FHIT: variants seen among roughly 807,000 people sequenced by gnomAD.
FHIT encodes bis(5'-adenosyl)-triphosphatase.
A neutral mutation model predicts 17.9 loss-of-function variants in FHIT; 19 were observed. The ratio of observed to expected loss-of-function variants is 1.06; its 90% CI spans 0.74 to 1.56. The LOEUF (loss-of-function observed/expected upper bound fraction) is 1.56. Among genes scored for constraint, FHIT ranks in the 40% most tolerant of loss-of-function variants. The pLI is 0.00. For synonymous variants in FHIT, 81 were observed against 69.7 expected (o/e 1.16, Z -0.81); for missense variants, 248 against 189.2 (o/e 1.31, Z -1.82).
intron 8 of FHIT, among the ~76,000 whole-genome samples, chr3:59,769,575 G>T (rs556184894): frequency 2.6e-5 from 4 of 152,070 alleles, no homozygotes; most frequent in African/African-American, 4.8e-5. Flanking sequence ...ATTACTTACC[G>T]CAAGCTGCCA....
intron 3 of FHIT, among the ~76,000 whole-genome samples, chr3:60,850,326 TC>T: frequency 3.9e-5 from 2 of 50,918 alleles, no homozygotes; most frequent in African/African-American, 1.3e-4. Context: ...TCTGCACTTC[TC>T]TCTCTCTCTC....
intron 4 of FHIT, among the ~76,000 whole-genome samples, chr3:60,611,690 A>G (rs1553673666): frequency 1.3e-5 from 2 of 152,144 alleles, no homozygotes; most frequent in African/African-American, 4.8e-5. Context: ...AGGTCCAAAA[A>G]TCTACCTGAG....
intron 5 of FHIT, among the ~76,000 whole-genome samples, chr3:60,341,701 A>T (rs1431681731): frequency 6.6e-6 from 1 of 152,112 alleles, no homozygotes; most frequent in Non-Finnish European, 1.5e-5. Context: ...GTCTTTCCCA[A>T]ATTCTACACT....
intron 5 of FHIT, among the ~76,000 whole-genome samples, chr3:60,371,842 GTTT>G (rs10576261): frequency 2.0e-4 from 28 of 143,028 alleles, no homozygotes; most frequent in African/African-American, 3.8e-4. Context: ...TTTTTGTGGG[GTTT>G]TTTTTTTTTT....
intron 5 of FHIT, among the ~76,000 whole-genome samples, chr3:60,337,310 G>C (rs368665411): frequency 6.6e-6 from 1 of 151,994 alleles, no homozygotes; most frequent in African/African-American, 2.4e-5. Context: ...TTAAATAATG[G>C]TTAAAAGCCT....
chr3:60,013,143 G>C (rs557704806), intron 6 of FHIT, among the ~76,000 whole-genome samples: 1 of 152,294 alleles, frequency 6.6e-6, no homozygotes, highest in South Asian at 2.1e-4. Context: ...CTTTTAGTCA[G>C]AGCCTTCATA....
intron 4 of FHIT, among the ~76,000 whole-genome samples, chr3:60,803,154 G>A (rs182870354): frequency 2.6e-5 from 4 of 152,254 alleles, no homozygotes; most frequent in African/African-American, 9.6e-5. Context: ...TGGGCAAAGG[G>A]CTGAGTTTCA....
intron 3 of FHIT, among the ~76,000 whole-genome samples, chr3:60,883,833 A>G (rs1244798454): frequency 6.6e-6 from 1 of 152,162 alleles, no homozygotes; most frequent in Non-Finnish European, 1.5e-5. Context: ...CCTCAAATAT[A>G]AAGGCAACAA....
chr3:60,079,574 G>A (rs1480003381), intron 5 of FHIT, among the ~76,000 whole-genome samples: 1 of 151,712 alleles, frequency 6.6e-6, no homozygotes, highest in South Asian at 2.1e-4. Flanking sequence ...TTTGCTTCCA[G>A]TCACTCATAT....
intron 5 of FHIT, among the ~76,000 whole-genome samples, chr3:60,481,838 A>C (rs924141917): frequency 6.6e-6 from 1 of 152,198 alleles, no homozygotes; most frequent in African/African-American, 2.4e-5. Flanking sequence ...CGAACCTTAA[A>C]TGTAAATGGG....
intron 8 of FHIT, among the ~76,000 whole-genome samples, chr3:59,762,124 G>C (rs1387337622): frequency 2.6e-5 from 4 of 152,124 alleles, no homozygotes; most frequent in Non-Finnish European, 4.4e-5. Context: ...CTAACAGGCG[G>C]GTAGTGTAGA....
intron 4 of FHIT, among the ~76,000 whole-genome samples, chr3:60,571,384 C>T (rs2037378931): frequency 7.6e-6 from 1 of 130,936 alleles, no homozygotes; most frequent in East Asian, 2.2e-4. Flanking sequence ...TGACGTATTA[C>T]CAACACTGAG....
At chr3:60,557,268 G>T (rs2036773341) in intron 4 of FHIT, among the ~76,000 whole-genome samples, 1 of 152,074 alleles carries the variant, frequency 6.6e-6, no homozygotes, top group Admixed American at 6.6e-5. Context: ...TGTGACACTG[G>T]TCTCCTCCCC....
intron 7 of FHIT, among the ~76,000 whole-genome samples, chr3:60,002,718 TA>T (rs1373975237): frequency 1.3e-5 from 2 of 152,204 alleles, no homozygotes; most frequent in Non-Finnish European, 2.9e-5. Context: ...ATGAAATCTT[TA>T]CCTTTTCCAG....
At chr3:60,988,042 G>T (rs554940310) in intron 3 of FHIT, among the ~76,000 whole-genome samples, 3 of 152,270 alleles carry the variant, frequency 2.0e-5, no homozygotes, top group East Asian at 3.9e-4. Context: ...AAGACTGAAG[G>T]CTTCTTAGAG....
chr3:61,086,953 T>C (rs886397763), intron 2 of FHIT, among the ~76,000 whole-genome samples: 1 of 152,116 alleles, frequency 6.6e-6, no homozygotes, highest in Non-Finnish European at 1.5e-5. Context: ...TTCACTCCTC[T>C]CCCACCATAT....
intron 5 of FHIT, among the ~76,000 whole-genome samples, chr3:60,328,340 G>A (rs189041909): frequency 1.3e-5 from 2 of 152,292 alleles, no homozygotes; most frequent in East Asian, 3.9e-4. Flanking sequence ...CTGAGAATGG[G>A]TACTTTATAA....
intron 4 of FHIT, among the ~76,000 whole-genome samples, chr3:60,612,327 T>C (rs72887691): frequency 0.021 from 3,266 of 152,284 alleles, 119 homozygotes; most frequent in African/African-American, 0.075. Context: ...GATATACATA[T>C]ATGAATCATC....
chr3:59,750,001 G>C lies in FHIT; in HGVS notation c.*6-422C>G, dbSNP rs1292531663. On this transcript the variant is annotated intron_variant, in intron 9 of 9. Transcript: ENST00000492590. ...TTGGTCTGTGCACAAAACCTTTAAA[G>C]AGAAATACACATGTTAGTTAACTTA... 4 of 223,012 alleles carry C rather than the reference G, an allele frequency of 1.8e-5. 1 individual carries two copies. The Admixed American group carries it at 2.3e-4, about 13-fold the overall frequency. The allele number at this position is 223,012 out of a possible 1,614,324, so 13.8% of individuals were successfully genotyped here.
Sources: allele counts gnomAD v4.1 joint callset (sites outside exome capture counted in the v4.1 genomes callset), GRCh38; gene constraint gnomAD v4.1.1; transcripts MANE v1.5; gene names NCBI Gene and HGNC (gene_info 2026-07-23, HGNC 2026-07-21).